The following COL5A3 variants were observed in gnomAD, a reference collection of about 807,000 sequenced individuals.
COL5A3 encodes the protein collagen type V alpha 3 chain, also known as collagen alpha-3(V) chain.
A neutral mutation model predicts 250.0 loss-of-function variants in COL5A3; 172 were observed. That is an observed-to-expected ratio of 0.69 (90% CI 0.61 to 0.78). The LOEUF (loss-of-function observed/expected upper bound fraction) is 0.78, where lower values mean the gene tolerates loss of function less well. COL5A3 is among the 30% of genes least tolerant of loss of function. COL5A3 has a pLI of 0.00. For missense variants in COL5A3, 2,340 were observed against 2,334.4 expected, an observed-to-expected ratio of 1.00 and a Z score of -0.05; for synonymous variants, 937 against 900.4, an observed-to-expected ratio of 1.04 and a Z score of -0.73.
rs57642882 is a variant in COL5A3, at chr19:9,994,559, C to CATATAT, written c.1588-759_1588-754dup. Among the ~76,000 whole-genome samples, 464 of 70,586 alleles carry CATATAT rather than the reference C, an allele frequency of 6.6e-3. 36 individuals are homozygous for CATATAT. Among genetic ancestry groups the CATATAT allele is most frequent in the Non-Finnish European group, 9.7e-3 (292 of 30,246 alleles). The allele number at this position is 70,586 out of a possible 152,430, so 46.3% of individuals were successfully genotyped here. ...AGGCTGGAGTTACATATATGTTTTA[C>CATATAT]ATATATATATATATATATATATATA... On this transcript the variant is annotated intron_variant, in intron 16 of 66. Transcript: ENST00000264828.
chr19:9,968,983 A>C lies in COL5A3; in HGVS notation c.4153-255T>G. 1 of 592,832 alleles carries C rather than the reference A, an allele frequency of 1.7e-6. No individual in the cohort carries two copies. The allele number at this position is 592,832 out of a possible 1,614,324, so 36.7% of individuals were successfully genotyped here. On this transcript the variant is annotated intron_variant, in intron 57 of 66. Coordinates refer to ENST00000264828, the MANE Select transcript of COL5A3 (RefSeq NM_015719.4). The surrounding 1 kb of genome is among the most constrained non-coding windows in gnomAD (Gnocchi z 4.1). ...TGATCAGTGTAGACCATTAAGATGG[A>C]GAGTCAGTGCAGGCATCAAGATGAA... is the stretch of plus-strand genomic sequence containing the variant.
In COL5A3 at chr19:9,973,599, G is replaced by C. The variant is rs1279120569; in HGVS notation, c.3637C>G (p.Pro1213Ala). The C allele has an allele frequency of 6.2e-7, 1 of 1,612,954 alleles. No homozygotes were observed. Among genetic ancestry groups the C allele is most frequent in the Non-Finnish European group, 8.5e-7 (1 of 1,179,424 alleles). ...ATGCCTGGGGCTCCTGGAGGCCCTGGGTCTCCAGCGTCCCCTCGCTCACCC... is the reference window on the plus strand; with the variant it reads ...ATGCCTGGGGCTCCTGGAGGCCCTGCGTCTCCAGCGTCCCCTCGCTCACCC... ...EKGERGDAGD[P>A]GPPGAPGIPG... The change falls in exon 50 of 67, where the codon CCA (proline) becomes GCA (alanine). Residue 1213 changes from proline (P) to alanine (A), a missense_variant. Transcript: ENST00000264828.
Position 9,968,973 on chromosome 19 carries a change from A to C in COL5A3, c.4153-245T>G. Reference sequence around the variant, plus strand: ...TCAGCGTGGGTGATCAGTGTAGACCATTAAGATGGAGAGTCAGTGCAGGCA... The same window carrying C: ...TCAGCGTGGGTGATCAGTGTAGACCCTTAAGATGGAGAGTCAGTGCAGGCA... On this transcript the variant is annotated intron_variant, in intron 57 of 66. Coordinates refer to ENST00000264828, the MANE Select transcript of COL5A3 (RefSeq NM_015719.4). This position sits in a 1 kb window ranked among gnomAD's most constrained non-coding sequence, Gnocchi z 4.1. The C allele has an allele frequency of 1.7e-6, 1 of 594,736 alleles. No individual in the cohort carries two copies. Among genetic ancestry groups the C allele is most frequent in the South Asian group, 2.1e-5 (1 of 46,902 alleles). 36.8% of individuals were successfully genotyped at this position (594,736 alleles called of 1,614,324 possible).
Position 9,962,884 on chromosome 19 carries a change from T to G in COL5A3, c.4786A>C (p.Lys1596Gln). ...LYPDKKFEIVKLASWSKEKPG... is the reference protein window; with the variant it reads ...LYPDKKFEIVQLASWSKEKPG... ...TTTTCCTTGGACCAGGAGGCCAATTTCACCTGGAAGAGAAAAGGGAGGGTC... is the reference window on the plus strand; with the variant it reads ...TTTTCCTTGGACCAGGAGGCCAATTGCACCTGGAAGAGAAAAGGGAGGGTC... Residue 1596 changes from lysine (K) to glutamine (Q), a missense_variant, in exon 65 of 67, where the codon AAA (lysine) becomes CAA (glutamine). Coordinates refer to ENST00000264828, the MANE Select transcript of COL5A3 (RefSeq NM_015719.4). 1 of 1,608,786 alleles carries G rather than the reference T, an allele frequency of 6.2e-7. No individual in the cohort carries two copies.
At chr19:10,003,965 C>T (rs2087401047) in intron 5 of COL5A3, 76 bp downstream of exon 5, 4 of 1,245,858 alleles carry the variant, frequency 3.2e-6, no homozygotes, top group Non-Finnish European at 4.7e-6. Flanking sequence ...TGAGAATTCA[C>T]TCTTTCTAGG....
At position 9,986,569 on chromosome 19, in the gene COL5A3, C is replaced by T; in HGVS notation, c.2228G>A (p.Gly743Glu). 6.2e-7 allele frequency: 1 copy of T among 1,614,032 alleles called. No homozygotes were observed. The highest frequency in any genetic ancestry group is 1.3e-5 in the African/African-American group (1 of 74,980). ...DGFPGFKGDVGLKGDQGKPGA... is the reference protein window; with the variant it reads ...DGFPGFKGDVELKGDQGKPGA... Reference sequence around the variant, plus strand: ...TGGTCTTACCTGATCACCTTTGAGCCCCACATCGCCCTTGAAGCCTGGGAA... The same window carrying T: ...TGGTCTTACCTGATCACCTTTGAGCTCCACATCGCCCTTGAAGCCTGGGAA... Residue 743 changes from glycine to glutamate, a missense_variant, in exon 29 of 67, where the codon GGG becomes GAG. Transcript: ENST00000264828.
rs570072354 is a variant in COL5A3 at position 9,966,787 on chromosome 19, G to C, written c.4459-41C>G. ...GGGGACGGAGAAGAGAGGGGAGATGGGGGAGGGAGAGAGAGGGAGAAAGAG... is the reference window on the plus strand; with the variant it reads ...GGGGACGGAGAAGAGAGGGGAGATGCGGGAGGGAGAGAGAGGGAGAAAGAG... On this transcript the variant is annotated intron_variant, in intron 62 of 66. Coordinates refer to ENST00000264828, the MANE Select transcript of COL5A3 (RefSeq NM_015719.4). 855 of 1,451,968 alleles carry C rather than the reference G, an allele frequency of 5.9e-4. 17 individuals carry two copies. The South Asian group carries it at 0.01, about 17-fold the overall frequency. The allele number at this position is 1,451,968 out of a possible 1,614,324, so 89.9% of individuals were successfully genotyped here.
chr19:9,980,824 T>TGTGGCACCCGGTTGCCCC lies in COL5A3; in HGVS notation c.2523_2540dup (p.Ala846_Gly851dup). The TGTGGCACCCGGTTGCCCC allele has an allele frequency of 6.2e-7, 1 of 1,612,114 alleles. No homozygotes were observed. The highest frequency in any genetic ancestry group is 8.5e-7 in the Non-Finnish European group (1 of 1,179,214). ...CCCATACCTTGGGGCCTGGTTGCCC[T>TGTGGCACCCGGTTGCCCC]GTGGCACCCGGTTGCCCCCTCTCTC... On this transcript the variant is annotated inframe_insertion, in exon 34 of 67. Transcript: ENST00000264828.
chr19:9,975,336 T>G (rs151256153), intron 45 of COL5A3, among the ~76,000 whole-genome samples: 14 of 152,204 alleles, frequency 9.2e-5, no homozygotes, highest in African/African-American at 3.1e-4. Context: ...CGCCTTGGCC[T>G]CCCAAAGTAC....
chr19:10,001,150 C>A (rs772710269), intron 8 of COL5A3, among the ~76,000 whole-genome samples: 8 of 151,260 alleles, frequency 5.3e-5, no homozygotes, highest in Non-Finnish European at 1.2e-4. Context: ...TTAAATTGTT[C>A]GGTTTTTTTT....
intron 55 of COL5A3, 39 bp downstream of exon 55, chr19:9,969,830 A>C (rs547530299): frequency 6.2e-7 from 1 of 1,610,658 alleles, no homozygotes; most frequent in African/African-American, 1.3e-5. Context: ...GTTGGCCTAG[A>C]GTAGTGCAGG....
intron 16 of COL5A3, 48 bp downstream of exon 16, chr19:9,995,516 T>G: frequency 6.5e-7 from 1 of 1,533,026 alleles, no homozygotes; most frequent in Non-Finnish European, 8.9e-7. Flanking sequence ...TCATGTTGGG[T>G]GTTGAGGGAT....
In COL5A3 at chr19:9,981,778, C is replaced by T. The variant is rs1287039822; in HGVS notation, c.2460+287G>A. On this transcript the variant is annotated intron_variant, in intron 32 of 66. Coordinates refer to ENST00000264828, the MANE Select transcript of COL5A3 (RefSeq NM_015719.4). Reference sequence around the variant, plus strand: ...CATGCAAAGTGCACGCAGATTCATGCCCTTGTTCACCCAGGCACAGGCCTG... The same window carrying T: ...CATGCAAAGTGCACGCAGATTCATGTCCTTGTTCACCCAGGCACAGGCCTG... 2.0e-5 allele frequency among the ~76,000 whole-genome samples: 3 copies of T among 152,310 alleles called. No homozygotes were observed. In the East Asian group the frequency reaches 5.8e-4, roughly 29 times the overall value.
At chr19:9,982,185 C>A in intron 31 of COL5A3, 67 bp from the exon 32 acceptor site, 1 of 1,097,524 alleles carries the variant, frequency 9.1e-7, no homozygotes, top group South Asian at 1.5e-5. Flanking sequence ...ATTGGCCCCT[C>A]ATACCATCCT....
In COL5A3 at chr19:10,010,496, C is replaced by T; in HGVS notation, c.-111G>A. 1 of 654,994 alleles carries T rather than the reference C, an allele frequency of 1.5e-6. No individual in the cohort carries two copies. Among genetic ancestry groups the T allele is most frequent in the Non-Finnish European group, 2.2e-6 (1 of 446,688 alleles). The allele number at this position is 654,994 out of a possible 1,614,324, so 40.6% of individuals were successfully genotyped here. On this transcript the variant is annotated 5_prime_UTR_variant, in exon 1 of 67. Coordinates refer to ENST00000264828, the MANE Select transcript of COL5A3 (RefSeq NM_015719.4). ...CGGCGGCCGCTCCTCTCAGGGTCCG[C>T]GGGAAACTGCCCGAGACCCCGCCCT...
At chr19:9,995,684 T>G (rs754214452) in intron 15 of COL5A3, 67 bp from the exon 16 acceptor site, 69 of 1,261,452 alleles carry the variant, frequency 5.5e-5, no homozygotes, top group Non-Finnish European at 7.0e-5. Flanking sequence ...TCTATTGTAT[T>G]AAAAAAAATT....
chr19:10,010,204 CCCTCCACGCCCCT>C, intron 1 of COL5A3, 81 bp downstream of exon 1: 1 of 810,900 alleles, frequency 1.2e-6, no homozygotes, highest in Non-Finnish European at 1.7e-6. Flanking sequence ...CACGCCCTTC[CCCTCCACGCCCCT>C]CCACCCCCCT....
rs1238752932 is a variant in COL5A3 at position 9,967,353 on chromosome 19, G to C, written c.4452C>G (p.Gly1484=). ...RGDTGPAGPP[G]PPGAPAELHG... ...CGCCCCCCGGGGAACTCACCGGGGG[G>C]CCTGGTGGGCCTGCAGGTCCAGTGT... Residue 1484 remains glycine, a synonymous_variant, in exon 62 of 67, where the codon GGC becomes GGG. Transcript: ENST00000264828. 4.2e-6 allele frequency: 6 copies of C among 1,443,018 alleles called. No homozygotes were observed. The highest frequency in any genetic ancestry group is 5.4e-6 in the Non-Finnish European group (6 of 1,104,014). 89.4% of individuals were successfully genotyped at this position (1,443,018 alleles called of 1,614,324 possible).
rs1411467632 is a variant in COL5A3, at chr19:9,996,500, C to A, written c.1355G>T (p.Gly452Val). The change falls in exon 13 of 67, where the codon GGC (glycine) becomes GTC (valine). Residue 452 changes from glycine to valine, a missense_variant. Coordinates refer to ENST00000264828, the MANE Select transcript of COL5A3 (RefSeq NM_015719.4). Reference protein sequence around the residue: ...VIMMPFQFAGGSFKGPPVSFQ... With the variant: ...VIMMPFQFAGVSFKGPPVSFQ... ...TGAGACTGGGGGGCCTTTAAAGGAG[C>A]CGCCTGCAAACTGGAACTGGGAGGA... 3 of 1,614,044 alleles carry A rather than the reference C, an allele frequency of 1.9e-6. No individual in the cohort carries two copies. The highest frequency in any genetic ancestry group is 2.2e-5 in the East Asian group (1 of 44,878).
Sources: gnomAD v4.1 joint callset for allele counts (sites outside exome capture counted in the v4.1 genomes callset) on GRCh38, gnomAD v4.1.1 for gene constraint, Gnocchi (gnomAD v3.1) non-coding constraint, MANE v1.5 for transcripts, NCBI Gene and HGNC (gene_info 2026-07-23, HGNC 2026-07-21) for gene names.